The following INSL6 variants were observed in gnomAD, a reference collection of about 807,000 sequenced individuals.
INSL6 encodes the protein insulin like 6, also known as insulin-like peptide INSL6.
Under a neutral mutation model 9.4 loss-of-function variants are expected in INSL6, and 16 were observed. The observed-to-expected ratio is 1.70, with a 90% CI of 1.15 to 2.59. The LOEUF (loss-of-function observed/expected upper bound fraction) is 2.59. Ranked by LOEUF, INSL6 falls within the 30% of genes most tolerant of loss-of-function variation. INSL6 has a pLI of 0.00. For synonymous variants in INSL6, 154 were observed against 96.9 expected, an observed-to-expected ratio of 1.59 and a Z score of -3.46; for missense variants, 391 against 257.3, an observed-to-expected ratio of 1.52 and a Z score of -3.56.
chr9:5,068,940 T>C, the INSL6 span: 2 of 769,248 alleles, frequency 2.6e-6, no homozygotes, highest in Non-Finnish European at 4.1e-6. Flanking sequence ...TTGCTTGTTC[T>C]TGTGATATCA....
the INSL6 span, chr9:5,041,203 C>G: frequency 1.4e-6 from 2 of 1,454,764 alleles, no homozygotes; most frequent in Admixed American, 3.4e-5. Flanking sequence ...ACGTGAAGCC[C>G]GAGAACTTCC....
At chr9:5,105,899 T>C in the INSL6 span, among the ~76,000 whole-genome samples, 21 of 152,288 alleles carry the variant, frequency 1.4e-4, no homozygotes, top group African/African-American at 4.8e-4. Context: ...TTACACCTTA[T>C]AGAAAAATTA....
chr9:5,127,703 G>A (rs925500806), intron 3 of INSL6: 4 of 232,174 alleles, frequency 1.7e-5, no homozygotes, highest in African/African-American at 4.4e-5. Flanking sequence ...TGGGATTTAT[G>A]CTCATGAACT....
intron 1 of INSL6, among the ~76,000 whole-genome samples, chr9:5,173,251 G>A (rs1249281701): frequency 1.3e-5 from 2 of 152,032 alleles, no homozygotes; most frequent in Non-Finnish European, 2.9e-5. Context: ...ATTTGACCCA[G>A]CAATACCATT....
intron 1 of INSL6, among the ~76,000 whole-genome samples, chr9:5,167,922 G>A (rs767460046): frequency 2.0e-5 from 3 of 152,118 alleles, no homozygotes; most frequent in Admixed American, 1.3e-4. Flanking sequence ...CTCCTGGGGT[G>A]GAAGAAACCA....
At chr9:5,106,108 T>G in the INSL6 span, among the ~76,000 whole-genome samples, 1 of 152,008 alleles carries the variant, frequency 6.6e-6, no homozygotes, top group East Asian at 1.9e-4. Context: ...CAAACTACCA[T>G]TAGAGTGGAC....
At chr9:5,181,480 G>C (rs1187565822) in intron 1 of INSL6, among the ~76,000 whole-genome samples, 1 of 151,924 alleles carries the variant, frequency 6.6e-6, no homozygotes, top group Non-Finnish European at 1.5e-5. Flanking sequence ...AGAAAGTGAG[G>C]TAATATTCCT....
chr9:5,167,724 C>T (rs747523069), intron 1 of INSL6, among the ~76,000 whole-genome samples: 16 of 152,214 alleles, frequency 1.1e-4, no homozygotes, highest in Non-Finnish European at 1.9e-4. Context: ...CAGCACAACA[C>T]ACCTGCTCTA....
chr9:5,012,616 G>T, the INSL6 span, among the ~76,000 whole-genome samples: 5 of 152,044 alleles, frequency 3.3e-5, no homozygotes, highest in African/African-American at 4.8e-5. Flanking sequence ...TAATTATTTT[G>T]TTATTTTTAT....
the INSL6 span, among the ~76,000 whole-genome samples, chr9:5,037,087 A>T: frequency 6.6e-6 from 1 of 152,360 alleles, no homozygotes; most frequent in Non-Finnish European, 1.5e-5. Flanking sequence ...ACATTTATGC[A>T]GCCAAAAGAC....
At chr9:5,085,945 A>G in the INSL6 span, 1 of 1,120,838 alleles carries the variant, frequency 8.9e-7, no homozygotes, top group East Asian at 2.4e-5. Context: ...CCGAGTTTGA[A>G]AGGATCGGTG....
chr9:5,043,358 A>C, the INSL6 span, among the ~76,000 whole-genome samples: 3 of 152,212 alleles, frequency 2.0e-5, no homozygotes, highest in Non-Finnish European at 4.4e-5. Context: ...AAGATGCCCA[A>C]CATCATTGGT....
chr9:5,050,607 A>T, the INSL6 span: 1 of 1,400,404 alleles, frequency 7.1e-7, no homozygotes, highest in East Asian at 2.4e-5. Context: ...TCTGAAAATT[A>T]TGATTAAAAT....
the INSL6 span, among the ~76,000 whole-genome samples, chr9:5,038,412 C>G: frequency 6.6e-6 from 1 of 152,112 alleles, no homozygotes; most frequent in Non-Finnish European, 1.5e-5. Flanking sequence ...GATTTCTGAG[C>G]TCTTTCTGTG....
the INSL6 span, among the ~76,000 whole-genome samples, chr9:4,998,030 C>T: frequency 6.6e-6 from 1 of 152,014 alleles, no homozygotes; most frequent in Non-Finnish European, 1.5e-5. Context: ...TCATTATGAG[C>T]TTAAATTCAT....
chr9:4,997,321 A>G, the INSL6 span, among the ~76,000 whole-genome samples: 16 of 152,196 alleles, frequency 1.1e-4, no homozygotes, highest in Non-Finnish European at 2.2e-4. Flanking sequence ...ATGGTTCTGC[A>G]GGCTTACAAG....
the INSL6 span, chr9:5,069,228 A>G: frequency 2.0e-6 from 3 of 1,528,136 alleles, no homozygotes; most frequent in African/African-American, 2.8e-5. Context: ...TTTTCTAGTT[A>G]TTTTTAAATT....
rs765861093 is a variant in INSL6, at chr9:5,164,080, T to G, written c.475A>C (p.Ser159Arg). The G allele has an allele frequency of 9.3e-6, 15 of 1,613,472 alleles. No homozygotes were observed. Among genetic ancestry groups the G allele is most frequent in the Non-Finnish European group, 1.2e-5 (14 of 1,179,856 alleles). ...GGATGATGCCCCCAAAACAAATTGC[T>G]TAAGGTTTTAATTTTGTTTCTACGT... ...KKRRNKIKTL[S>R]NLFWGHHPQR... is the part of the protein sequence containing the mutation. The change falls in exon 2 of 2, where the codon AGC (serine) becomes CGC (arginine). Residue 159 changes from serine to arginine, a missense_variant. By Grantham distance (110) the Ser-to-Arg change is moderately radical (BLOSUM62 -1). Coordinates refer to ENST00000381641, the MANE Select transcript of INSL6 (RefSeq NM_007179.3).
At chr9:5,043,577 C>G in the INSL6 span, among the ~76,000 whole-genome samples, 1 of 152,130 alleles carries the variant, frequency 6.6e-6, no homozygotes, top group East Asian at 1.9e-4. Context: ...TACCATATGA[C>G]TCAGCAATTC....
Sources: gnomAD v4.1 joint callset for allele counts (sites outside exome capture counted in the v4.1 genomes callset) on GRCh38, gnomAD v4.1.1 for gene constraint, MANE v1.5 for transcripts, NCBI Gene and HGNC (gene_info 2026-07-23, HGNC 2026-07-21) for gene names.